Variants in CEACAM18 observed in about 807,000 individuals in gnomAD.
CEACAM18 encodes the protein cell adhesion molecule CEACAM18.
In CEACAM18, 33 loss-of-function variants were observed where a neutral mutation model predicts 34.3. The ratio of observed to expected loss-of-function variants is 0.96; its 90% CI spans 0.73 to 1.29. CEACAM18 has a LOEUF of 1.29. Among genes scored for constraint, CEACAM18 ranks in the 50% most tolerant of loss-of-function variants. The pLI is 0.00. For synonymous variants in CEACAM18, 169 were observed against 180.9 expected, an observed-to-expected ratio of 0.93 and a Z score of 0.53; for missense variants, 474 against 485.0, an observed-to-expected ratio of 0.98 and a Z score of 0.21.
chr19:51,491,116 G>A (rs1189781971), downstream of CEACAM18, among the ~76,000 whole-genome samples: 1 of 152,188 alleles, frequency 6.6e-6, no homozygotes, highest in Non-Finnish European at 1.5e-5. Flanking sequence ...GAGTACCGGA[G>A]CGACCTGAAC....
intron 2 of CEACAM18, 48 bp from the exon 3 acceptor site, chr19:51,481,345 G>T: frequency 6.5e-7 from 1 of 1,541,334 alleles, no homozygotes; most frequent in Non-Finnish European, 8.8e-7. Context: ...CAGAGCTTGG[G>T]GAAGCAGACC....
exon 1 of CEACAM18, chr19:51,478,690 C>T (rs1440825003): frequency 6.8e-7 from 1 of 1,459,932 alleles, no homozygotes; most frequent in Non-Finnish European, 9.1e-7. Flanking sequence ...GGGTCTTCCT[C>T]ATGGGTAAGA....
In CEACAM18 at chr19:51,480,319, C is replaced by T. The variant is rs1238376634; in HGVS notation, c.53-14C>T. On this transcript the variant is annotated splice_polypyrimidine_tract_variant and intron_variant, in intron 1 of 5. Transcript: ENST00000396477. ...TGTGAATTTCTCTCTGTCTTTTTTC[C>T]TTGTCTTCTTCAGCCAGTCTGCTGG... is the stretch of plus-strand genomic sequence containing the variant. The T allele has an allele frequency of 1.9e-6, 3 of 1,569,250 alleles. No individual in the cohort carries two copies. Among genetic ancestry groups the T allele is most frequent in the African/African-American group, 2.7e-5 (2 of 73,542 alleles).
At chr19:51,480,758 G>A in intron 2 of CEACAM18, 78 bp downstream of exon 2, 1 of 1,287,160 alleles carries the variant, frequency 7.8e-7, no homozygotes, top group Non-Finnish European at 1.1e-6. Flanking sequence ...ACATTATACA[G>A]AGCATGACAC....
chr19:51,488,115 A>T (rs1030780045), intron 5 of CEACAM18, among the ~76,000 whole-genome samples: 1 of 152,194 alleles, frequency 6.6e-6, no homozygotes. Context: ...AACCCCAGGA[A>T]CTATGCTGCA....
chr19:51,483,423 A>G, intron 4 of CEACAM18, 127 bp downstream of exon 4: 1 of 1,137,996 alleles, frequency 8.8e-7, no homozygotes, highest in Non-Finnish European at 1.3e-6. Flanking sequence ...TCTGGGTGAA[A>G]TCTCCCAGTT....
intron 3 of CEACAM18, among the ~76,000 whole-genome samples, chr19:51,482,213 C>T (rs1989929359): frequency 6.6e-6 from 1 of 152,052 alleles, no homozygotes; most frequent in Non-Finnish European, 1.5e-5. Context: ...GCAAGTTCAC[C>T]ACCCAGGAAG....
chr19:51,483,174 A>G (rs748972257), exon 4 of CEACAM18: 1 of 1,613,994 alleles, frequency 6.2e-7, no homozygotes, highest in South Asian at 1.1e-5. Context: ...TGAACTTCTC[A>G]GATGCAAAGA....
At chr19:51,490,891 G>T in exon 6 of CEACAM18, 1 of 361,446 alleles carries the variant, frequency 2.8e-6, no homozygotes. Context: ...TGGGTTGCAG[G>T]TCGGGGCGGG....
At chr19:51,486,219 G>T (rs1040453724) in intron 5 of CEACAM18, among the ~76,000 whole-genome samples, 2 of 152,082 alleles carry the variant, frequency 1.3e-5, no homozygotes, top group African/African-American at 4.8e-5. Flanking sequence ...GATGACAATG[G>T]TGATGATGAT....
exon 6 of CEACAM18, chr19:51,490,807 C>T: frequency 2.5e-6 from 1 of 403,446 alleles, no homozygotes; most frequent in Non-Finnish European, 4.3e-6. Context: ...CTGCAGACCC[C>T]ACCCGGGACC....
At chr19:51,478,662 G>C in exon 1 of CEACAM18, 1 of 1,510,558 alleles carries the variant, frequency 6.6e-7, no homozygotes, top group Non-Finnish European at 8.9e-7. Context: ...TCCAGACCCA[G>C]ATGGAGCCTG....
chr19:51,479,949 G>A (rs1364066294), intron 1 of CEACAM18, among the ~76,000 whole-genome samples: 1 of 152,214 alleles, frequency 6.6e-6, no homozygotes, highest in Non-Finnish European at 1.5e-5. Context: ...AGCTCTGGCT[G>A]AGAGTGTTTC....
exon 6 of CEACAM18, chr19:51,490,854 C>T (rs111702335): frequency 4.8e-4 from 183 of 384,900 alleles, no homozygotes; most frequent in African/African-American, 3.4e-3. Context: ...CCATTGGGCG[C>T]TTCATCTGCC....
intron 3 of CEACAM18, among the ~76,000 whole-genome samples, chr19:51,482,561 G>A (rs897543859): frequency 6.6e-6 from 1 of 152,188 alleles, no homozygotes; most frequent in African/African-American, 2.4e-5. Flanking sequence ...AGCTGCTCAG[G>A]GCAGTTGCTC....
At chr19:51,488,324 C>T (rs1037910109) in intron 5 of CEACAM18, among the ~76,000 whole-genome samples, 2 of 152,146 alleles carry the variant, frequency 1.3e-5, no homozygotes, top group Non-Finnish European at 2.9e-5. Flanking sequence ...GTGTACCAAC[C>T]CTTGTTCCAA....
At chr19:51,483,539 G>A (rs2122186135) in intron 4 of CEACAM18, among the ~76,000 whole-genome samples, 1 of 152,306 alleles carries the variant, frequency 6.6e-6, no homozygotes, top group South Asian at 2.1e-4. Flanking sequence ...CATTGGCTGA[G>A]CACTTACTAT....
intron 5 of CEACAM18, among the ~76,000 whole-genome samples, chr19:51,489,254 C>T (rs1192149464): frequency 2.7e-5 from 4 of 150,870 alleles, no homozygotes; most frequent in African/African-American, 9.7e-5. Flanking sequence ...TCTCGGTCCC[C>T]CCACATTTCA....
rs200535555 is a variant in CEACAM18 at position 51,480,639 on chromosome 19, G to A, written c.359G>A (p.Gly120Asp). Residue 120 changes from glycine to aspartate, a missense_variant, in exon 2 of 6, where the codon GGC (glycine) becomes GAC (aspartate). Physicochemically the swap from Gly to Asp is moderately conservative, Grantham distance 94. Coordinates refer to ENST00000396477, the Ensembl canonical transcript of CEACAM18. ...AACTACACTGTTCGGGTGGTTGCAGGCAATGAGACCCAAAGAGCAACCGGC... is the reference window on the plus strand; with the variant it reads ...AACTACACTGTTCGGGTGGTTGCAGACAATGAGACCCAAAGAGCAACCGGC... The A allele has an allele frequency of 5.6e-5, 91 of 1,613,812 alleles. No individual in the cohort carries two copies. In the African/African-American group the frequency reaches 1.1e-3, roughly 19 times the overall value.
Sources: gnomAD v4.1 joint callset for allele counts (sites outside exome capture counted in the v4.1 genomes callset) on GRCh38, gnomAD v4.1.1 for gene constraint, MANE v1.5 for transcripts, NCBI Gene and HGNC (gene_info 2026-07-23, HGNC 2026-07-21) for gene names.